CCDC171: variants seen among roughly 807,000 people sequenced by gnomAD.
CCDC171 encodes coiled-coil domain-containing protein 171.
In CCDC171, 177 loss-of-function variants were observed where a neutral mutation model predicts 168.2. The ratio of observed to expected loss-of-function variants is 1.05; its 90% CI spans 0.93 to 1.19. CCDC171 has a LOEUF of 1.19. CCDC171 is among the 50% of genes most tolerant of loss of function. CCDC171 has a pLI of 0.00. For missense variants in CCDC171, 1,991 were observed against 1,539.0 expected, an observed-to-expected ratio of 1.29 and a Z score of -4.91; for synonymous variants, 687 against 540.8, an observed-to-expected ratio of 1.27 and a Z score of -3.75.
chr9:15,742,688 T>G (rs542955963), intron 16 of CCDC171, among the ~76,000 whole-genome samples: 1 of 152,250 alleles, frequency 6.6e-6, no homozygotes, highest in Non-Finnish European at 1.5e-5. Flanking sequence ...AAAGTTTAAG[T>G]GCCCTTTTGT....
intron 24 of CCDC171, chr9:15,875,500 T>C (rs190885170): frequency 6.6e-6 from 1 of 151,978 alleles, no homozygotes; most frequent in Non-Finnish European, 1.5e-5. Context: ...ATTATGTAAA[T>C]TATAGGAAGC....
Position 15,874,531 on chromosome 9 carries a change from G to C in CCDC171, c.3469-1G>C. 6.3e-7 allele frequency: 1 copy of C among 1,592,354 alleles called. No individual in the cohort carries two copies. Among genetic ancestry groups the C allele is most frequent in the Non-Finnish European group, 8.5e-7 (1 of 1,170,394 alleles). On this transcript the variant is annotated splice_acceptor_variant, in intron 23 of 25. Coordinates refer to ENST00000380701, the MANE Select transcript of CCDC171 (RefSeq NM_173550.4). LOFTEE classifies it high-confidence loss of function. Reference sequence around the variant, plus strand: ...CATTGATGCTGTTTTTTTCCCTTTAGGTCAGAGATCAGATCTCGCTGTCAT... The same window carrying C: ...CATTGATGCTGTTTTTTTCCCTTTACGTCAGAGATCAGATCTCGCTGTCAT...
intron 16 of CCDC171, among the ~76,000 whole-genome samples, chr9:15,738,738 A>G (rs1042444175): frequency 1.3e-5 from 2 of 152,298 alleles, no homozygotes; most frequent in Non-Finnish European, 2.9e-5. Context: ...GTAGTTCCCT[A>G]TGGAAAGTCA....
chr9:16,056,119 C>G (rs1385223679), intron 1 of CCDC171, among the ~76,000 whole-genome samples: 1 of 152,140 alleles, frequency 6.6e-6, no homozygotes, highest in Non-Finnish European at 1.5e-5. Context: ...GGAAAAAAAC[C>G]CAAACATTAT....
chr9:15,865,011 A>G (rs552687464), intron 23 of CCDC171, among the ~76,000 whole-genome samples: 5 of 152,106 alleles, frequency 3.3e-5, no homozygotes, highest in Admixed American at 6.6e-5. Flanking sequence ...ATGTTCACTG[A>G]GAAGTCTTAG....
chr9:16,031,783 C>T (rs923731653), intron 6 of CCDC171, among the ~76,000 whole-genome samples: 50 of 152,232 alleles, frequency 3.3e-4, no homozygotes, highest in African/African-American at 1.2e-3. Flanking sequence ...TGATGAGGCT[C>T]AACTAGGGGG....
chr9:15,569,553 C>T (rs1391695780), intron 2 of CCDC171, among the ~76,000 whole-genome samples: 5 of 152,068 alleles, frequency 3.3e-5, no homozygotes, highest in South Asian at 2.1e-4. Context: ...CGGTGGCTCG[C>T]GCCTGTAATC....
At chr9:16,074,274 C>G in the CCDC171 span, among the ~76,000 whole-genome samples, 1 of 152,184 alleles carries the variant, frequency 6.6e-6, no homozygotes, top group South Asian at 2.1e-4. Context: ...CTATCTCCAA[C>G]AGCATTCTCT....
intron 7 of CCDC171, among the ~76,000 whole-genome samples, chr9:15,634,670 A>T (rs891021199): frequency 6.6e-6 from 1 of 152,214 alleles, no homozygotes; most frequent in African/African-American, 2.4e-5. Context: ...TGCATATTAT[A>T]AATTTGTCCA....
intron 21 of CCDC171, among the ~76,000 whole-genome samples, chr9:15,824,825 A>C (rs778724841): frequency 3.3e-5 from 5 of 152,074 alleles, no homozygotes; most frequent in Non-Finnish European, 7.4e-5. Flanking sequence ...TCTGGTGGTC[A>C]AGTAGTTGCC....
At chr9:16,043,591 A>G (rs1833607863) in intron 1 of CCDC171, among the ~76,000 whole-genome samples, 1 of 152,168 alleles carries the variant, frequency 6.6e-6, no homozygotes, top group East Asian at 1.9e-4. Context: ...TCAGCACCAA[A>G]AGGGCCACAT....
chr9:15,844,622 A>G (rs952328751), intron 21 of CCDC171, among the ~76,000 whole-genome samples: 1 of 152,102 alleles, frequency 6.6e-6, no homozygotes, highest in Non-Finnish European at 1.5e-5. Flanking sequence ...TATGAATTAT[A>G]TCACTTTGTT....
At chr9:16,026,713 A>C (rs370900517) in intron 6 of CCDC171, among the ~76,000 whole-genome samples, 42 of 152,330 alleles carry the variant, frequency 2.8e-4, no homozygotes, top group African/African-American at 8.7e-4. Context: ...GTTACTGGTA[A>C]TAGGAAAATC....
intron 1 of CCDC171, among the ~76,000 whole-genome samples, chr9:16,059,328 C>T (rs1311089806): frequency 6.6e-6 from 1 of 152,122 alleles, no homozygotes; most frequent in East Asian, 1.9e-4. Context: ...TTGGAATTCA[C>T]ACGAATATTC....
At chr9:15,776,376 CAG>C (rs1340907291) in intron 18 of CCDC171, 2 of 152,110 alleles carry the variant, frequency 1.3e-5, no homozygotes, top group African/African-American at 2.4e-5. Flanking sequence ...GGGACTGTCA[CAG>C]AGTATGTTTA....
chr9:15,584,017 C>T (rs528565837), intron 4 of CCDC171, among the ~76,000 whole-genome samples: 1 of 152,112 alleles, frequency 6.6e-6, no homozygotes, highest in African/African-American at 2.4e-5. Flanking sequence ...CAGGTGCCCA[C>T]CACCACGCCC....
chr9:15,636,591 A>G (rs2046216861), intron 7 of CCDC171, among the ~76,000 whole-genome samples: 1 of 151,840 alleles, frequency 6.6e-6, no homozygotes, highest in African/African-American at 2.4e-5. Context: ...CCTACAAAAA[A>G]TACAAAACTT....
chr9:16,036,737 C>T (rs145979979), intron 8 of CCDC171, among the ~76,000 whole-genome samples: 11 of 152,288 alleles, frequency 7.2e-5, no homozygotes, highest in African/African-American at 2.6e-4. Flanking sequence ...ACCAAGAATC[C>T]AATGCCTTAC....
the CCDC171 span, among the ~76,000 whole-genome samples, chr9:16,086,845 C>A: frequency 6.6e-6 from 1 of 152,166 alleles, no homozygotes; most frequent in Non-Finnish European, 1.5e-5. Context: ...ATAGTTCTTT[C>A]CTGCTTTCTG....
Sources: gnomAD v4.1 joint callset for allele counts (sites outside exome capture counted in the v4.1 genomes callset) on GRCh38, gnomAD v4.1.1 for gene constraint, MANE v1.5 for transcripts, NCBI Gene and HGNC (gene_info 2026-07-23, HGNC 2026-07-21) for gene names.